Variants in FUNDC2 observed in about 807,000 individuals in gnomAD.
FUNDC2 encodes the protein FUN14 domain-containing protein 2.
Under a neutral mutation model 15.6 loss-of-function variants are expected in FUNDC2, and 4 were observed. The ratio of observed to expected loss-of-function variants is 0.26; its 90% confidence interval spans 0.13 to 0.59. FUNDC2 has a LOEUF of 0.59. Among genes scored for constraint, FUNDC2 ranks in the 20% least tolerant of loss-of-function variants. FUNDC2 has a pLI of 0.90. For missense variants in FUNDC2, 98 were observed against 149.7 expected (o/e 0.65, Z 1.80); for synonymous variants, 44 against 56.9 (o/e 0.77, Z 1.02).
intron 3 of FUNDC2, chrX:155,049,130 A>G (rs2073872574): frequency 8.9e-6 from 1 of 112,925 alleles, no homozygotes; most frequent in Non-Finnish European, 1.9e-5. Flanking sequence ...AACGCTTGCC[A>G]GTTTTCAGTT....
At chrX:155,034,267 A>G (rs2073824511) in intron 2 of FUNDC2, among the ~76,000 whole-genome samples, 1 of 112,533 alleles carries the variant, frequency 8.9e-6, no homozygotes, top group African/African-American at 3.2e-5. Context: ...CCTGCTTTCC[A>G]CCTTAAAGTA....
At position 155,057,957 on chromosome X, in the gene FUNDC2, G is replaced by C. The variant is rs1185657237; in HGVS notation, c.*3285G>C. The stretch of plus-strand genomic sequence containing the variant: ...TATCCTCATTGCTGACACGGGAGCT[G>C]GGTGCGGGGAGAGATGTGGTGGTGG... On this transcript the variant is annotated 3_prime_UTR_variant, in exon 5 of 5. Transcript: ENST00000369498. 2.7e-5 allele frequency: 3 copies of C among 111,431 alleles called. No homozygotes were observed. The highest frequency in any genetic ancestry group is 9.5e-5 in the Admixed American group (1 of 10,517). The allele number at this position is 111,431 out of a possible 1,213,427, so 9.2% of individuals were successfully genotyped here. A position where few individuals can be genotyped will look rare whatever the true frequency, so the allele number is the denominator to read the frequency against.
In FUNDC2 at chrX:155,054,907, C is replaced by A. The variant is rs1007780602; in HGVS notation, c.*235C>A. 2 of 389,537 alleles carry A rather than the reference C, an allele frequency of 5.1e-6. No homozygotes were observed. The highest frequency in any genetic ancestry group is 2.5e-5 in the African/African-American group (1 of 39,498). The allele number at this position is 389,537 out of a possible 1,213,427, so 32.1% of individuals were successfully genotyped here. Reference sequence around the variant, plus strand: ...CCTCCCAGTACACCCCCTACTTGGCCAGTCTGTAGGCCAACAAGAAGGTTC... The same window carrying A: ...CCTCCCAGTACACCCCCTACTTGGCAAGTCTGTAGGCCAACAAGAAGGTTC... On this transcript the variant is annotated 3_prime_UTR_variant, in exon 5 of 5. Transcript: ENST00000369498.
intron 1 of FUNDC2, among the ~76,000 whole-genome samples, chrX:155,028,688 C>T: frequency 9.0e-6 from 1 of 111,422 alleles, no homozygotes; most frequent in Admixed American, 9.5e-5. Context: ...TTGTTTCCTT[C>T]ATTGAGTTAC....
intron 2 of FUNDC2, among the ~76,000 whole-genome samples, chrX:155,036,574 C>T (rs1185869712): frequency 9.0e-6 from 1 of 111,666 alleles, no homozygotes; most frequent in African/African-American, 3.3e-5. Context: ...CCAGGGTCAC[C>T]AAGATTTTCT....
chrX:155,057,436 G>C lies in FUNDC2; in HGVS notation c.*2764G>C, dbSNP rs1569560319. On this transcript the variant is annotated 3_prime_UTR_variant, in exon 5 of 5. Coordinates refer to ENST00000369498, the MANE Select transcript of FUNDC2 (RefSeq NM_023934.4). ...AATGACGCTCTGGACTTCCTAATTA[G>C]TGGTGGTGGGGCGGAAGTTTTTCCT... The C allele has an allele frequency of 9.0e-6, 1 of 111,451 alleles. No individual in the cohort carries two copies. The highest frequency in any genetic ancestry group is 3.3e-5 in the African/African-American group (1 of 30,742). The allele number at this position is 111,451 out of a possible 1,213,427, so 9.2% of individuals were successfully genotyped here.
chrX:155,035,894 A>C (rs1453351611), intron 2 of FUNDC2, among the ~76,000 whole-genome samples: 1 of 112,229 alleles, frequency 8.9e-6, no homozygotes, highest in Admixed American at 9.4e-5. Flanking sequence ...ATGTACCACA[A>C]TCTGTTTCTC....
chrX:155,054,827 T>A lies in FUNDC2; in HGVS notation c.*155T>A. ...TTCTCTAAGCATCTGCTGGTACAAGTCAATGTGGCACCATGAGCTTCATGG... is the reference window on the plus strand; with the variant it reads ...TTCTCTAAGCATCTGCTGGTACAAGACAATGTGGCACCATGAGCTTCATGG... On this transcript the variant is annotated 3_prime_UTR_variant, in exon 5 of 5. Coordinates refer to ENST00000369498, the MANE Select transcript of FUNDC2 (RefSeq NM_023934.4). The A allele has an allele frequency of 2.0e-6, 1 of 489,223 alleles. No homozygotes were observed. Among genetic ancestry groups the A allele is most frequent in the Non-Finnish European group, 3.6e-6 (1 of 279,020 alleles). The allele number at this position is 489,223 out of a possible 1,213,427, so 40.3% of individuals were successfully genotyped here.
intron 4 of FUNDC2, chrX:155,054,124 G>A (rs977724199): frequency 1.3e-6 from 1 of 752,727 alleles, no homozygotes; most frequent in Non-Finnish European, 1.6e-6. Context: ...AGGGGGGAAT[G>A]CATGGATGGA....
At chrX:155,044,109 C>T (rs1469451004) in intron 2 of FUNDC2, among the ~76,000 whole-genome samples, 8 of 112,074 alleles carry the variant, frequency 7.1e-5, no homozygotes, top group Non-Finnish European at 1.5e-4. Flanking sequence ...ATATTGTAGG[C>T]TTTATGGATC....
intron 1 of FUNDC2, among the ~76,000 whole-genome samples, chrX:155,028,514 A>G (rs1226243484): frequency 8.9e-6 from 1 of 112,082 alleles, no homozygotes; most frequent in Non-Finnish European, 1.9e-5. Flanking sequence ...TTGAGAGGCC[A>G]TGGAGTACCC....
At chrX:155,037,684 A>G (rs1214794428) in intron 2 of FUNDC2, among the ~76,000 whole-genome samples, 2 of 108,911 alleles carry the variant, frequency 1.8e-5, no homozygotes, top group Admixed American at 9.8e-5. Context: ...GGGTTTCACC[A>G]TATTGTCCAG....
rs1009853596 is a variant in FUNDC2, at chrX:155,057,692, G to A, written c.*3020G>A. On this transcript the variant is annotated 3_prime_UTR_variant, in exon 5 of 5. Transcript: ENST00000369498. ...TTCTGTCCCCTTCCTGGCTACTATGGGTCGGCCCTGCGTCCTCACCACTTT... is the reference window on the plus strand; with the variant it reads ...TTCTGTCCCCTTCCTGGCTACTATGAGTCGGCCCTGCGTCCTCACCACTTT... 1 of 111,881 alleles carries A rather than the reference G, an allele frequency of 8.9e-6. No homozygotes were observed. Among genetic ancestry groups the A allele is most frequent in the African/African-American group, 3.3e-5 (1 of 30,637 alleles). 9.2% of individuals were successfully genotyped at this position (111,881 alleles called of 1,213,427 possible). A position where few individuals can be genotyped will look rare whatever the true frequency, so the allele number is the denominator to read the frequency against.
At chrX:155,044,059 G>C (rs1557289839) in intron 2 of FUNDC2, among the ~76,000 whole-genome samples, 4 of 111,965 alleles carry the variant, frequency 3.6e-5, no homozygotes. Context: ...TTTTAGAGCA[G>C]GGGTCAGCAA....
chrX:155,056,745 CTG>C lies in FUNDC2; in HGVS notation c.*2076_*2077del, dbSNP rs1309908907. On this transcript the variant is annotated 3_prime_UTR_variant, in exon 5 of 5. Transcript: ENST00000369498. ...TAACAGCAAAGCTAACCAAAGTGCT[CTG>C]TGCCCCTTTGGGTTGCATGTGGGGA... The C allele has an allele frequency of 9.0e-6, 1 of 110,913 alleles. No homozygotes were observed. The highest frequency in any genetic ancestry group is 3.3e-5 in the African/African-American group (1 of 30,539). The allele number at this position is 110,913 out of a possible 1,213,427, so 9.1% of individuals were successfully genotyped here.
At chrX:155,037,990 G>A (rs2073836919) in intron 2 of FUNDC2, among the ~76,000 whole-genome samples, 1 of 109,870 alleles carries the variant, frequency 9.1e-6, no homozygotes. Flanking sequence ...ACTTTGGGAG[G>A]CCGAGGCAGG....
intron 3 of FUNDC2, among the ~76,000 whole-genome samples, chrX:155,048,791 G>A (rs955537679): frequency 8.9e-6 from 1 of 111,863 alleles, no homozygotes; most frequent in Non-Finnish European, 1.9e-5. Context: ...TTATTTTTCC[G>A]TATAGATCTT....
Position 155,055,460 on chromosome X carries a change from A to G in FUNDC2, c.*788A>G. The stretch of plus-strand genomic sequence containing the variant: ...CTTCTACTATTTTTTTTTTTAATCT[A>G]GTTAGTATGAAATACAACATTTAAA... On this transcript the variant is annotated 3_prime_UTR_variant, in exon 5 of 5. Transcript: ENST00000369498. The G allele has an allele frequency of 3.4e-6, 1 of 293,166 alleles. No homozygotes were observed. Among genetic ancestry groups the G allele is most frequent in the Non-Finnish European group, 5.9e-6 (1 of 168,150 alleles). 24.2% of individuals were successfully genotyped at this position (293,166 alleles called of 1,213,427 possible).
intron 2 of FUNDC2, among the ~76,000 whole-genome samples, chrX:155,034,982 T>C (rs781836231): frequency 4.5e-4 from 51 of 112,168 alleles, no homozygotes; most frequent in African/African-American, 1.4e-3. Context: ...GTGTGTATTA[T>C]AGATATTTTC....
Sources: gnomAD v4.1 joint callset for allele counts (sites outside exome capture counted in the v4.1 genomes callset) on GRCh38, gnomAD v4.1.1 for gene constraint, MANE v1.5 for transcripts, NCBI Gene and HGNC (gene_info 2026-07-23, HGNC 2026-07-21) for gene names.